The following CELSR1 variants were observed in gnomAD, a reference collection of about 807,000 sequenced individuals.
CELSR1 encodes adhesion G protein-coupled receptor C1.
CELSR1 carries 110 observed loss-of-function variants against 249.1 expected under a neutral mutation model. The observed-to-expected ratio is 0.44, with a 90% confidence interval of 0.38 to 0.52. CELSR1 has a LOEUF of 0.52. Ranked by LOEUF, CELSR1 falls within the 20% of genes least tolerant of loss-of-function variation. The pLI, the probability that CELSR1 is intolerant of heterozygous loss-of-function variation, is 0.00. For missense variants in CELSR1, 4,109 were observed against 4,296.4 expected, an observed-to-expected ratio of 0.96 and a Z score of 1.22; for synonymous variants, 2,113 against 1,900.0, an observed-to-expected ratio of 1.11 and a Z score of -2.92.
In CELSR1 at chr22:46,396,628, G is replaced by A; in HGVS notation, c.5820C>T (p.His1940=). The part of the protein sequence containing the change: ...QGYVCECGPS[H]YGPYCENKLD... ...ACTTGTTCTCACAGTACGGCCCGTA[G>A]TGACTGGGCCCACACTCGCACACGT... The change falls in exon 13 of 35, where the codon CAC becomes CAT. Residue 1940 remains histidine (H), a synonymous_variant. Coordinates refer to ENST00000674500, the MANE Select transcript of CELSR1 (RefSeq NM_001378328.1). This position sits in a 1 kb window ranked among gnomAD's most constrained non-coding sequence, Gnocchi z 6.4. 1.2e-6 allele frequency: 2 copies of A among 1,604,884 alleles called. No individual in the cohort carries two copies. The highest frequency in any genetic ancestry group is 1.7e-6 in the Non-Finnish European group (2 of 1,175,706).
chr22:46,402,934 T>C lies in CELSR1; in HGVS notation c.5227-3032A>G, dbSNP rs2079223821. 6.6e-6 allele frequency among the ~76,000 whole-genome samples: 1 copy of C among 151,932 alleles called. No homozygotes were observed. The highest frequency in any genetic ancestry group is 1.5e-5 in the Non-Finnish European group (1 of 68,012). ...CTGAAATATAAGGATACAGAAAATG[T>C]TGAAAGTAAAAGGATAGAAAAAAAT... On this transcript the variant is annotated intron_variant, in intron 9 of 34. Coordinates refer to ENST00000674500, the MANE Select transcript of CELSR1 (RefSeq NM_001378328.1). This position sits in a 1 kb window ranked among gnomAD's most constrained non-coding sequence, Gnocchi z 5.0.
Position 46,527,944 on chromosome 22 carries a change from A to C in CELSR1, c.3544+5683T>G, listed in dbSNP as rs1047283583. Among the ~76,000 whole-genome samples, 13 of 152,034 alleles carry C rather than the reference A, an allele frequency of 8.6e-5. No homozygotes were observed. Among genetic ancestry groups the C allele is most frequent in the Non-Finnish European group, 1.6e-4 (11 of 68,000 alleles). On this transcript the variant is annotated intron_variant, in intron 1 of 34. Coordinates refer to ENST00000674500, the MANE Select transcript of CELSR1 (RefSeq NM_001378328.1). This position sits in a 1 kb window ranked among gnomAD's most constrained non-coding sequence, Gnocchi z 5.5. Reference sequence around the variant, plus strand: ...AACCCCATCTCTACAAAAATACAAAAATTAGCCAGGCATGATGGCGGGTAC... The same window carrying C: ...AACCCCATCTCTACAAAAATACAAACATTAGCCAGGCATGATGGCGGGTAC...
chr22:46,459,790 G>A (rs1049870208), intron 2 of CELSR1, among the ~76,000 whole-genome samples: 15 of 152,196 alleles, frequency 9.9e-5, no homozygotes, highest in African/African-American at 3.1e-4. Context: ...TTGATGTCTT[G>A]TACCTCAGTT....
chr22:46,461,029 G>A (rs987980198), intron 2 of CELSR1, among the ~76,000 whole-genome samples: 5 of 152,260 alleles, frequency 3.3e-5, no homozygotes, highest in Admixed American at 1.3e-4. Flanking sequence ...CCTTGCAACC[G>A]TGAGGCCCCC....
At chr22:46,509,724 G>A (rs2080553264) in intron 1 of CELSR1, among the ~76,000 whole-genome samples, 1 of 152,126 alleles carries the variant, frequency 6.6e-6, no homozygotes, top group South Asian at 2.1e-4. Flanking sequence ...GGTCTGTGGG[G>A]CTCCTGAGGA....
chr22:46,457,387 A>T (rs2079968626), intron 2 of CELSR1, among the ~76,000 whole-genome samples: 1 of 152,066 alleles, frequency 6.6e-6, no homozygotes, highest in Non-Finnish European at 1.5e-5. Flanking sequence ...TGGGGTCCTA[A>T]AAGCAGGTGA....
intron 3 of CELSR1, among the ~76,000 whole-genome samples, chr22:46,438,958 A>C (rs939210038): frequency 6.6e-6 from 1 of 152,118 alleles, no homozygotes; most frequent in African/African-American, 2.4e-5. Flanking sequence ...GGGTTTTGCC[A>C]TGTTGACTAG....
intron 1 of CELSR1, among the ~76,000 whole-genome samples, chr22:46,476,713 G>A (rs373071208): frequency 1.3e-5 from 2 of 151,980 alleles, no homozygotes; most frequent in Non-Finnish European, 2.9e-5. Flanking sequence ...TGATTTCATT[G>A]ATATGAAACA....
rs1421741842 is a variant in CELSR1, at chr22:46,406,647, G to A, written c.5226+2349C>T. Among the ~76,000 whole-genome samples the A allele has an allele frequency of 1.3e-5, 2 of 152,240 alleles. No individual in the cohort carries two copies. The highest frequency in any genetic ancestry group is 4.1e-4 in the South Asian group (2 of 4,832). On this transcript the variant is annotated intron_variant, in intron 9 of 34. Transcript: ENST00000674500. The surrounding 1 kb of genome is among the most constrained non-coding windows in gnomAD (Gnocchi z 5.4). ...ATGCCAATCTTGGCTATACAGAACT[G>A]TTTCTAGATGGGCTGTCCTTAGGAG...
At chr22:46,389,686 C>T (rs1185291809) in intron 17 of CELSR1, among the ~76,000 whole-genome samples, 187 bp from the exon 18 acceptor site, 1 of 152,202 alleles carries the variant, frequency 6.6e-6, no homozygotes, top group Non-Finnish European at 1.5e-5. Flanking sequence ...GAGGCCAAGG[C>T]GGGTAGATCA....
At position 46,533,673 on chromosome 22, in the gene CELSR1, C is replaced by G; in HGVS notation, c.3498G>C (p.Leu1166=). The G allele has an allele frequency of 6.2e-7, 1 of 1,605,034 alleles. No individual in the cohort carries two copies. Among genetic ancestry groups the G allele is most frequent in the Non-Finnish European group, 8.5e-7 (1 of 1,177,172 alleles). Residue 1166 remains leucine, a synonymous_variant, in exon 1 of 35, where the codon CTG becomes CTC. Coordinates refer to ENST00000674500, the MANE Select transcript of CELSR1 (RefSeq NM_001378328.1). ...ATGELQLSRD[L]DNNRPLEALM... ...GCGCCTCCAGCGGCCGGTTGTTGTCCAGGTCGCGGCTGAGCTGCAGTTCGC... is the reference window on the plus strand; with the variant it reads ...GCGCCTCCAGCGGCCGGTTGTTGTCGAGGTCGCGGCTGAGCTGCAGTTCGC...
intron 5 of CELSR1, among the ~76,000 whole-genome samples, chr22:46,422,482 G>A (rs9616001): frequency 2.0e-4 from 30 of 150,626 alleles, no homozygotes; most frequent in Non-Finnish European, 4.1e-4. Flanking sequence ...ACCTGTAATC[G>A]CAGCACTTTG....
Position 46,512,158 on chromosome 22 carries a change from G to A in CELSR1, c.3544+21469C>T, listed in dbSNP as rs9627484. Among the ~76,000 whole-genome samples, 98,570 of 152,060 alleles carry A rather than the reference G, an allele frequency of 0.65. 32,024 individuals are homozygous for A. Among genetic ancestry groups the A allele is most frequent in the East Asian group, 0.77 (3,971 of 5,178 alleles). ...CAGCAGCAGCAAGAGTGACGGCGGC[G>A]CTCATAAGCCCTTACTAAGCGTGCT... On this transcript the variant is annotated intron_variant, in intron 1 of 34. Transcript: ENST00000674500. The surrounding 1 kb of genome is among the most constrained non-coding windows in gnomAD (Gnocchi z 5.2).
intron 2 of CELSR1, among the ~76,000 whole-genome samples, chr22:46,449,173 T>G (rs1318212158): frequency 6.7e-6 from 1 of 150,258 alleles, no homozygotes; most frequent in East Asian, 2.0e-4. Flanking sequence ...TCACCCAGCT[T>G]CCATCCAACC....
At chr22:46,531,966 T>C (rs577991515) in intron 1 of CELSR1, among the ~76,000 whole-genome samples, 1 of 151,642 alleles carries the variant, frequency 6.6e-6, no homozygotes, top group Admixed American at 6.6e-5. Flanking sequence ...ACTGGATGAC[T>C]ACATAGTGTG....
Position 46,533,951 on chromosome 22 carries a change from C to A in CELSR1, c.3220G>T (p.Val1074Leu), listed in dbSNP as rs780610616. The A allele has an allele frequency of 5.6e-6, 9 of 1,613,206 alleles. No individual in the cohort carries two copies. Among genetic ancestry groups the A allele is most frequent in the Non-Finnish European group, 7.6e-6 (9 of 1,180,034 alleles). Reference sequence around the variant, plus strand: ...ACCAGCGGAGCCGACGTGGCCTGCACCACCAGCACATACTCCCGCCGGACC... The same window carrying A: ...ACCAGCGGAGCCGACGTGGCCTGCAACACCAGCACATACTCCCGCCGGACC... ...FEVRREYVLV[V>L]QATSAPLVSR... is the part of the protein sequence containing the mutation. The change falls in exon 1 of 35, where the codon GTG becomes TTG. Residue 1074 changes from valine (V) to leucine (L), a missense_variant. Physicochemically the swap from Val to Leu is conservative, Grantham distance 32 (BLOSUM62 1). Coordinates refer to ENST00000674500, the MANE Select transcript of CELSR1 (RefSeq NM_001378328.1).
chr22:46,390,319 C>A lies in CELSR1; in HGVS notation c.6345+73G>T. On this transcript the variant is annotated intron_variant, in intron 17 of 34. Transcript: ENST00000674500. This position sits in a 1 kb window ranked among gnomAD's most constrained non-coding sequence, Gnocchi z 6.3. ...ACTCCCCAGCCCAGGAGCCTCGGCC[C>A]ACACAAACTCTCTCACGCATACACG... 7.9e-7 allele frequency: 1 copy of A among 1,258,716 alleles called. No individual in the cohort carries two copies. Among genetic ancestry groups the A allele is most frequent in the Non-Finnish European group, 1.1e-6 (1 of 895,450 alleles). The allele number at this position is 1,258,716 out of a possible 1,614,324, so 78.0% of individuals were successfully genotyped here. A position where few individuals can be genotyped will look rare whatever the true frequency, so the allele number is the denominator to read the frequency against.
At chr22:46,477,711 T>A (rs969411851) in intron 1 of CELSR1, among the ~76,000 whole-genome samples, 7 of 152,074 alleles carry the variant, frequency 4.6e-5, no homozygotes, top group African/African-American at 1.7e-4. Flanking sequence ...TTTCACCATG[T>A]TGGCCAGGAT....
intron 1 of CELSR1, among the ~76,000 whole-genome samples, chr22:46,470,780 G>C (rs2147620756): frequency 6.6e-6 from 1 of 152,208 alleles, no homozygotes; most frequent in East Asian, 1.9e-4. Flanking sequence ...CCACACAGTA[G>C]CACAAACCTC....
Sources: allele counts gnomAD v4.1 joint callset (sites outside exome capture counted in the v4.1 genomes callset), GRCh38; gene constraint gnomAD v4.1.1; non-coding constraint Gnocchi (gnomAD v3.1); transcripts MANE v1.5; gene names NCBI Gene and HGNC (gene_info 2026-07-23, HGNC 2026-07-21).